Variants in SLC44A3 observed in about 807,000 individuals in gnomAD.
SLC44A3 encodes the protein choline transporter-like protein 3.
A neutral mutation model predicts 75.4 loss-of-function variants in SLC44A3; 74 were observed. That is an observed-to-expected ratio of 0.98 (90% CI 0.81 to 1.19). SLC44A3 has a LOEUF of 1.19. Ranked by LOEUF, SLC44A3 falls within the 50% of genes most tolerant of loss-of-function variation. SLC44A3 has a pLI of 0.00. For missense variants in SLC44A3, 700 were observed against 778.6 expected (o/e 0.90, Z 1.20); for synonymous variants, 310 against 296.9 (o/e 1.04, Z -0.45).
At chr1:94,879,211 C>CAA (rs1491129136) in intron 12 of SLC44A3, among the ~76,000 whole-genome samples, 1 of 53,180 alleles carries the variant, frequency 1.9e-5, no homozygotes, top group Non-Finnish European at 4.5e-5. Context: ...TTAACAACAA[C>CAA]TACAAAAAAA....
At chr1:94,834,829 C>T (rs1237271024) in intron 5 of SLC44A3, among the ~76,000 whole-genome samples, 1 of 152,186 alleles carries the variant, frequency 6.6e-6, no homozygotes, top group Admixed American at 6.5e-5. Flanking sequence ...TGGAATTTCC[C>T]TCCCTTTGAG....
rs111538172 is a variant in SLC44A3, at chr1:94,841,477, G to A, written c.761-523G>A. On this transcript the variant is annotated intron_variant, in intron 7 of 14. Coordinates refer to ENST00000271227, the MANE Select transcript of SLC44A3 (RefSeq NM_001114106.3). ...AGTTACTGTGGATATGGCATAAGGTGGTATTTCGTACCTAAATGTGGAGTA... is the reference window on the plus strand; with the variant it reads ...AGTTACTGTGGATATGGCATAAGGTAGTATTTCGTACCTAAATGTGGAGTA... 6.2e-4 allele frequency among the ~76,000 whole-genome samples: 95 copies of A among 152,072 alleles called. 2 individuals carry two copies. The highest frequency in any genetic ancestry group is 3.7e-4 in the Non-Finnish European group (25 of 68,004).
At chr1:94,886,429 T>A (rs1669594298) in intron 12 of SLC44A3, among the ~76,000 whole-genome samples, 2 of 152,110 alleles carry the variant, frequency 1.3e-5, no homozygotes, top group Admixed American at 6.5e-5. Context: ...TCCAGACCTG[T>A]TTCCCATTTC....
At position 94,857,393 on chromosome 1, in the gene SLC44A3, G is replaced by T. The variant is rs35405772; in HGVS notation, c.1131G>T (p.Arg377=). The T allele has an allele frequency of 1.2e-6, 2 of 1,613,898 alleles. No homozygotes were observed. Among genetic ancestry groups the T allele is most frequent in the South Asian group, 2.2e-5 (2 of 91,000 alleles). The change falls in exon 10 of 15, where the codon CGG becomes CGT. Residue 377 remains arginine, a synonymous_variant. Coordinates refer to ENST00000271227, the MANE Select transcript of SLC44A3 (RefSeq NM_001114106.3). ...AATATAAGCCCCTTTCGGGCATTCG[G>T]TACATGTGGTCGTACCATTTAATTG... ...QVEYKPLSGI[R]YMWSYHLIGL... is the part of the protein sequence containing the mutation.
At chr1:94,868,929 C>A (rs147936098) in intron 12 of SLC44A3, among the ~76,000 whole-genome samples, 2 of 152,376 alleles carry the variant, frequency 1.3e-5, no homozygotes, top group Non-Finnish European at 2.9e-5. Context: ...CTGTGGGGAC[C>A]ACCACATTAG....
chr1:94,833,751 G>A (rs1662432361), intron 5 of SLC44A3, among the ~76,000 whole-genome samples: 1 of 151,708 alleles, frequency 6.6e-6, no homozygotes, highest in Non-Finnish European at 1.5e-5. Flanking sequence ...CACATGACAA[G>A]TCTAGTAAAA....
In SLC44A3 at chr1:94,857,401, GGTCGT is replaced by G. The variant is rs751229031; in HGVS notation, c.1140_1144del (p.Trp380Ter). 6.2e-7 allele frequency: 1 copy of G among 1,614,062 alleles called. No individual in the cohort carries two copies. Among genetic ancestry groups the G allele is most frequent in the East Asian group, 2.2e-5 (1 of 44,860 alleles). On this transcript the variant is annotated stop_gained and frameshift_variant, in exon 10 of 15. Coordinates refer to ENST00000271227, the MANE Select transcript of SLC44A3 (RefSeq NM_001114106.3). LOFTEE classifies it high-confidence loss of function. ...CCCCTTTCGGGCATTCGGTACATGT[GGTCGT>G]ACCATTTAATTGGCCTCATCTGGAC...
intron 9 of SLC44A3, among the ~76,000 whole-genome samples, chr1:94,847,173 G>A (rs890527270): frequency 6.6e-6 from 1 of 152,254 alleles, no homozygotes; most frequent in Non-Finnish European, 1.5e-5. Flanking sequence ...GGCTAAAGTA[G>A]GATGTAAGGT....
intron 5 of SLC44A3, among the ~76,000 whole-genome samples, chr1:94,834,041 C>G (rs1169023988): frequency 1.3e-5 from 2 of 152,166 alleles, no homozygotes; most frequent in African/African-American, 4.8e-5. Flanking sequence ...CACATAGCTA[C>G]TGGTTAACAA....
intron 12 of SLC44A3, among the ~76,000 whole-genome samples, chr1:94,869,852 A>T (rs17112588): frequency 0.054 from 8,227 of 152,282 alleles, 346 homozygotes; most frequent in African/African-American, 0.11. Context: ...AATCAGATTT[A>T]AAAAGGCTGA....
At position 94,879,982 on chromosome 1, in the gene SLC44A3, A is replaced by C. The variant is rs182833059; in HGVS notation, c.1483-11148A>C. Among the ~76,000 whole-genome samples the C allele has an allele frequency of 3.9e-5, 6 of 152,328 alleles. No homozygotes were observed. The East Asian group carries it at 1.2e-3, about 29-fold the overall frequency. ...AATCAAAACTGCGATATATCACCTC[A>C]CACCCATCAGGATGACCACTATCAA... On this transcript the variant is annotated intron_variant, in intron 12 of 14. Transcript: ENST00000271227.
chr1:94,894,095 C>T (rs1406374001), intron 14 of SLC44A3, among the ~76,000 whole-genome samples: 1 of 151,834 alleles, frequency 6.6e-6, no homozygotes, highest in East Asian at 1.9e-4. Context: ...ACTCCGTCTC[C>T]ACCACCTCCC....
intron 5 of SLC44A3, among the ~76,000 whole-genome samples, chr1:94,829,519 C>A (rs1271476546): frequency 2.0e-5 from 3 of 152,052 alleles, no homozygotes; most frequent in African/African-American, 4.8e-5. Context: ...ATGGTAGGCA[C>A]CTTACAAATA....
intron 14 of SLC44A3, 44 bp downstream of exon 14, chr1:94,892,561 A>G: frequency 1.3e-6 from 2 of 1,577,458 alleles, no homozygotes; most frequent in Non-Finnish European, 1.7e-6. Flanking sequence ...CATGCTCGCA[A>G]TCTTGAAAGT....
chr1:94,821,847 T>A (rs1476358836), intron 2 of SLC44A3, among the ~76,000 whole-genome samples: 2 of 152,224 alleles, frequency 1.3e-5, no homozygotes, highest in Non-Finnish European at 2.9e-5. Context: ...TCCATCTGAA[T>A]AGGCCCTAAA....
Position 94,827,773 on chromosome 1 carries a change from T to C in SLC44A3, c.415+130T>C, listed in dbSNP as rs1661568083. The C allele has an allele frequency of 3.5e-6, 4 of 1,144,028 alleles. No individual in the cohort carries two copies. In the South Asian group the frequency reaches 6.4e-5, roughly 18 times the overall value. 70.9% of individuals were successfully genotyped at this position (1,144,028 alleles called of 1,614,324 possible). A position where few individuals can be genotyped will look rare whatever the true frequency, so the allele number is the denominator to read the frequency against. On this transcript the variant is annotated intron_variant, in intron 4 of 14. Coordinates refer to ENST00000271227, the MANE Select transcript of SLC44A3 (RefSeq NM_001114106.3). ...GTTTTACTTCCTTGTGGGTGCCTCT[T>C]TTTGTGTGGAAAAGGCCGTAAGCAT...
chr1:94,875,289 C>T (rs941232274), intron 12 of SLC44A3, among the ~76,000 whole-genome samples: 9 of 152,182 alleles, frequency 5.9e-5, no homozygotes, highest in African/African-American at 1.9e-4. Flanking sequence ...TCAAGACTAG[C>T]GCCACAATGG....
At chr1:94,890,421 G>A (rs1670080671) in intron 12 of SLC44A3, among the ~76,000 whole-genome samples, 1 of 152,190 alleles carries the variant, frequency 6.6e-6, no homozygotes, top group African/African-American at 2.4e-5. Context: ...TGGCCTGGGA[G>A]GTGGCGATGT....
At chr1:94,825,305 A>T (rs559093983) in intron 3 of SLC44A3, among the ~76,000 whole-genome samples, 1 of 152,298 alleles carries the variant, frequency 6.6e-6, no homozygotes, top group African/African-American at 2.4e-5. Context: ...GCTTCACATG[A>T]CAGAACAAAA....
Sources: allele counts gnomAD v4.1 joint callset (sites outside exome capture counted in the v4.1 genomes callset), GRCh38; gene constraint gnomAD v4.1.1; transcripts MANE v1.5; gene names NCBI Gene and HGNC (gene_info 2026-07-23, HGNC 2026-07-21).